Variants in KCNH1 observed in about 807,000 individuals in gnomAD.
KCNH1 encodes the protein voltage-gated delayed rectifier potassium channel KCNH1.
A neutral mutation model predicts 69.2 loss-of-function variants in KCNH1; 27 were observed. The ratio of observed to expected loss-of-function variants is 0.39; its 90% CI spans 0.29 to 0.54. The LOEUF (loss-of-function observed/expected upper bound fraction) is 0.54. Among genes scored for constraint, KCNH1 ranks in the 20% least tolerant of loss-of-function variants. KCNH1 has a pLI of 0.68. For missense variants in KCNH1, 798 were observed against 1,261.6 expected (o/e 0.63, Z 5.57); for synonymous variants, 456 against 487.7 (o/e 0.93, Z 0.86).
At chr1:210,855,736 G>A (rs1685819082) in intron 7 of KCNH1, among the ~76,000 whole-genome samples, 1 of 152,164 alleles carries the variant, frequency 6.6e-6, no homozygotes, top group South Asian at 2.1e-4. Context: ...CGACTCAGCT[G>A]GGAGTGCTGG....
At chr1:210,944,967 T>A (rs1351595497) in intron 6 of KCNH1, among the ~76,000 whole-genome samples, 2 of 152,236 alleles carry the variant, frequency 1.3e-5, no homozygotes, top group Non-Finnish European at 2.9e-5. Flanking sequence ...TCTGTCTCTA[T>A]GATTTTACCT....
chr1:210,972,413 G>T (rs898058499), intron 6 of KCNH1, among the ~76,000 whole-genome samples: 2 of 151,888 alleles, frequency 1.3e-5, no homozygotes, highest in Non-Finnish European at 2.9e-5. Flanking sequence ...CCTTTTGTTG[G>T]TCTTCATGCA....
At chr1:210,934,980 A>C (rs1687749164) in intron 6 of KCNH1, among the ~76,000 whole-genome samples, 1 of 152,032 alleles carries the variant, frequency 6.6e-6, no homozygotes, top group Non-Finnish European at 1.5e-5. Flanking sequence ...AGCAATCCCA[A>C]TGCTGGGTTA....
chr1:210,987,444 C>T (rs977824409), intron 6 of KCNH1, among the ~76,000 whole-genome samples: 1 of 152,142 alleles, frequency 6.6e-6, no homozygotes, highest in Non-Finnish European at 1.5e-5. Context: ...ATGATGGTGA[C>T]GTACAGATGG....
At chr1:210,903,835 G>A (rs1687044561) in intron 7 of KCNH1, among the ~76,000 whole-genome samples, 1 of 152,188 alleles carries the variant, frequency 6.6e-6, no homozygotes, top group Non-Finnish European at 1.5e-5. Flanking sequence ...CCTATCATCA[G>A]GTGGTAAAAC....
intron 10 of KCNH1, among the ~76,000 whole-genome samples, chr1:210,774,300 C>G (rs533088822): frequency 1.3e-5 from 2 of 152,262 alleles, no homozygotes; most frequent in African/African-American, 4.8e-5. Context: ...CCAGCTAGGG[C>G]ATGAGGAAGG....
chr1:210,824,292 G>C (rs935744015), intron 7 of KCNH1, among the ~76,000 whole-genome samples: 3 of 150,026 alleles, frequency 2.0e-5, no homozygotes, highest in Non-Finnish European at 4.4e-5. Flanking sequence ...ATTATATATA[G>C]ATGTAGACAT....
At chr1:210,971,268 G>A (rs939827210) in intron 6 of KCNH1, among the ~76,000 whole-genome samples, 1 of 152,022 alleles carries the variant, frequency 6.6e-6, no homozygotes, top group African/African-American at 2.4e-5. Flanking sequence ...TGTTTTATAT[G>A]TAGCATTTTC....
chr1:210,871,953 G>A (rs891455746), intron 7 of KCNH1, among the ~76,000 whole-genome samples: 11 of 151,082 alleles, frequency 7.3e-5, no homozygotes, highest in Admixed American at 4.6e-4. Context: ...CCTAATGCTA[G>A]AGGACGAGTT....
chr1:211,122,293 T>G (rs1402994749), intron 1 of KCNH1, among the ~76,000 whole-genome samples: 2 of 152,082 alleles, frequency 1.3e-5, no homozygotes, highest in Non-Finnish European at 2.9e-5. Context: ...CTCATACCAG[T>G]CAGAATGGTG....
chr1:210,976,545 C>T (rs376151007), intron 6 of KCNH1, among the ~76,000 whole-genome samples: 6,280 of 135,300 alleles, frequency 0.046, 396 homozygotes, highest in South Asian at 0.071. Context: ...GTCAGTGTGG[C>T]GATTCCTCAG....
intron 10 of KCNH1, among the ~76,000 whole-genome samples, chr1:210,774,139 C>T (rs17260795): frequency 0.15 from 23,511 of 152,102 alleles, 2,437 homozygotes; most frequent in Non-Finnish European, 0.24. Flanking sequence ...CAATCACATA[C>T]ACCATGCTGA....
chr1:210,704,827 TCACA>T (rs767309878), intron 10 of KCNH1, among the ~76,000 whole-genome samples: 1 of 152,338 alleles, frequency 6.6e-6, no homozygotes, highest in Non-Finnish European at 1.5e-5. Flanking sequence ...GCTCACTCTT[TCACA>T]CACATGGAGA....
chr1:211,096,560 G>C (rs1185736021), intron 3 of KCNH1, among the ~76,000 whole-genome samples: 3 of 152,158 alleles, frequency 2.0e-5, no homozygotes, highest in Non-Finnish European at 2.9e-5. Flanking sequence ...GGCAAAACTA[G>C]AAAAATCAAC....
At chr1:211,054,843 A>C (rs1246935137) in intron 5 of KCNH1, among the ~76,000 whole-genome samples, 1 of 152,136 alleles carries the variant, frequency 6.6e-6, no homozygotes, top group African/African-American at 2.4e-5. Flanking sequence ...AAGGGAGATA[A>C]AAAGGGAAAG....
chr1:210,822,573 C>T (rs538177852), intron 7 of KCNH1, among the ~76,000 whole-genome samples: 1 of 152,232 alleles, frequency 6.6e-6, no homozygotes, highest in African/African-American at 2.4e-5. Flanking sequence ...TCCACTGTTG[C>T]TGTCTTAAAA....
At chr1:210,953,162 A>G (rs1393073091) in intron 6 of KCNH1, among the ~76,000 whole-genome samples, 4 of 152,164 alleles carry the variant, frequency 2.6e-5, no homozygotes, top group Non-Finnish European at 5.9e-5. Flanking sequence ...AAAGGGTGAG[A>G]CTTTTCCATT....
chr1:210,742,093 C>A (rs1039948210), intron 10 of KCNH1, among the ~76,000 whole-genome samples: 14 of 152,174 alleles, frequency 9.2e-5, no homozygotes, highest in African/African-American at 3.4e-4. Flanking sequence ...TGCTGCCTAA[C>A]CAAAGGCCTT....
intron 5 of KCNH1, among the ~76,000 whole-genome samples, chr1:211,064,991 T>C (rs1690502586): frequency 1.3e-5 from 2 of 152,202 alleles, no homozygotes; most frequent in South Asian, 4.1e-4. Flanking sequence ...AGATAAGCAT[T>C]GGAGAAGACG....
Sources: allele counts gnomAD v4.1 joint callset (sites outside exome capture counted in the v4.1 genomes callset), GRCh38; gene constraint gnomAD v4.1.1; transcripts MANE v1.5; gene names NCBI Gene and HGNC (gene_info 2026-07-23, HGNC 2026-07-21).